Variants in PRKAG2 observed in about 807,000 individuals in gnomAD.
The protein encoded by PRKAG2 is protein kinase AMP-activated non-catalytic subunit gamma 2, also known as 5'-AMP-activated protein kinase subunit gamma-2.
PRKAG2 carries 26 observed loss-of-function variants against 69.6 expected under a neutral mutation model. That is an observed-to-expected ratio of 0.37 (90% confidence interval 0.27 to 0.52). PRKAG2 has a LOEUF of 0.52. PRKAG2 is among the 20% of genes least tolerant of loss of function. The pLI, the probability that PRKAG2 is intolerant of heterozygous loss-of-function variation, is 0.90. For synonymous variants in PRKAG2, 293 were observed against 285.0 expected, an observed-to-expected ratio of 1.03 and a Z score of -0.28; for missense variants, 557 against 740.0, an observed-to-expected ratio of 0.75 and a Z score of 2.87.
At chr7:151,680,171 G>A (rs576449736) in intron 3 of PRKAG2, among the ~76,000 whole-genome samples, 4 of 152,284 alleles carry the variant, frequency 2.6e-5, no homozygotes, top group South Asian at 2.1e-4. Context: ...AACCACAAAC[G>A]CGCATGTTCC....
chr7:151,718,327 C>G (rs755482013), intron 3 of PRKAG2, among the ~76,000 whole-genome samples: 16 of 152,066 alleles, frequency 1.1e-4, no homozygotes, highest in Non-Finnish European at 2.4e-4. Flanking sequence ...GTCCTATCAG[C>G]TTACAGCCCC....
intron 1 of PRKAG2, among the ~76,000 whole-genome samples, chr7:151,870,523 C>T (rs1002951911): frequency 3.3e-5 from 5 of 152,354 alleles, no homozygotes; most frequent in East Asian, 1.9e-4. Flanking sequence ...AAAGCTGACA[C>T]GTCCACTGTG....
In PRKAG2 at chr7:151,857,615, T is replaced by G. The variant is rs544934551; in HGVS notation, c.114+18892A>C. Among the ~76,000 whole-genome samples the G allele has an allele frequency of 2.6e-5, 4 of 152,332 alleles. No homozygotes were observed. The South Asian group carries it at 8.3e-4, about 32-fold the overall frequency. On this transcript the variant is annotated intron_variant, in intron 1 of 15. Coordinates refer to ENST00000287878, the MANE Select transcript of PRKAG2 (RefSeq NM_016203.4). ...TGTGCCACCCCCTGCCAACGGCCTC[T>G]GCTGTGCAGATTTTCCCATCTGTAG...
At position 151,870,892 on chromosome 7, in the gene PRKAG2, T is replaced by G. The variant is rs557654252; in HGVS notation, c.114+5615A>C. ...ACTGCCCAGCTCCCTGGCTCTACTT[T>G]TAGTTTGTCTCCAGCGACTGTGCAG... On this transcript the variant is annotated intron_variant, in intron 1 of 15. Coordinates refer to ENST00000287878, the MANE Select transcript of PRKAG2 (RefSeq NM_016203.4). Among the ~76,000 whole-genome samples the G allele has an allele frequency of 2.6e-5, 4 of 152,352 alleles. No homozygotes were observed. The South Asian group carries it at 8.3e-4, about 32-fold the overall frequency.
chr7:151,813,684 G>A (rs7782161), intron 1 of PRKAG2, among the ~76,000 whole-genome samples: 83,480 of 151,798 alleles, frequency 0.55, 23,634 homozygotes, highest in East Asian at 0.71. Context: ...ACCAGACAGC[G>A]GTGACAGCCC....
At chr7:151,586,495 C>T (rs1314066309) in intron 6 of PRKAG2, among the ~76,000 whole-genome samples, 1 of 152,212 alleles carries the variant, frequency 6.6e-6, no homozygotes, top group Non-Finnish European at 1.5e-5. Context: ...CCTCCAATAT[C>T]ACGAACAGGT....
chr7:151,731,522 C>CTGTGTGTGTGTGTGTG lies in PRKAG2; in HGVS notation c.466+49629_466+49630insCACACACACACACACA, dbSNP rs113764475. Among the ~76,000 whole-genome samples the CTGTGTGTGTGTGTGTG allele has an allele frequency of 3.6e-3, 392 of 107,762 alleles. 1 individual carries two copies. Among genetic ancestry groups the CTGTGTGTGTGTGTGTG allele is most frequent in the African/African-American group, 0.01 (353 of 34,584 alleles). The allele number at this position is 107,762 out of a possible 152,430, so 70.7% of individuals were successfully genotyped here. On this transcript the variant is annotated intron_variant, in intron 3 of 15. Transcript: ENST00000287878. ...TGATTTGATGGCTGTGGGGAGAGCTCTGTGTGTGTGTGTGCGCACAGGTAC... is the reference window on the plus strand; with the variant it reads ...TGATTTGATGGCTGTGGGGAGAGCTCTGTGTGTGTGTGTGTGTGTGTGTGTGTGTGCGCACAGGTAC...
intron 3 of PRKAG2, among the ~76,000 whole-genome samples, chr7:151,710,185 C>A (rs1051216472): frequency 6.6e-6 from 1 of 152,102 alleles, no homozygotes; most frequent in Non-Finnish European, 1.5e-5. Flanking sequence ...AGAGAGATGG[C>A]AGAGGCAGGT....
chr7:151,728,681 G>A (rs1175661586), intron 3 of PRKAG2, among the ~76,000 whole-genome samples: 1 of 152,170 alleles, frequency 6.6e-6, no homozygotes, highest in Non-Finnish European at 1.5e-5. Context: ...TGTTTGTCCA[G>A]TGTTCAGCTT....
intron 2 of PRKAG2, among the ~76,000 whole-genome samples, chr7:151,782,231 C>T (rs553322327): frequency 2.8e-4 from 43 of 151,504 alleles, no homozygotes; most frequent in Admixed American, 1.2e-3. Flanking sequence ...TGCAGTGAGC[C>T]GAGATGGCGC....
At chr7:151,716,926 C>T (rs1443385656) in intron 3 of PRKAG2, among the ~76,000 whole-genome samples, 1 of 152,064 alleles carries the variant, frequency 6.6e-6, no homozygotes, top group African/African-American at 2.4e-5. Context: ...GGCGACTTGC[C>T]CCACAAAAAT....
chr7:151,584,509 G>T (rs542760656), intron 6 of PRKAG2, among the ~76,000 whole-genome samples: 3 of 152,200 alleles, frequency 2.0e-5, no homozygotes, highest in East Asian at 3.9e-4. Context: ...GGAATGAAAA[G>T]AAAAATTGAA....
intron 1 of PRKAG2, among the ~76,000 whole-genome samples, chr7:151,799,480 CACCTTT>C (rs1380274327): frequency 2.0e-5 from 3 of 152,218 alleles, no homozygotes; most frequent in African/African-American, 7.2e-5. Flanking sequence ...GTTCTGCGGG[CACCTTT>C]GCATCTTGTC....
intron 3 of PRKAG2, among the ~76,000 whole-genome samples, chr7:151,764,804 A>C (rs1207495387): frequency 3.3e-5 from 5 of 152,230 alleles, no homozygotes; most frequent in Non-Finnish European, 7.3e-5. Flanking sequence ...GGTGGGGGTA[A>C]GGCCTCAAGG....
intron 3 of PRKAG2, among the ~76,000 whole-genome samples, chr7:151,691,458 T>TAAC (rs1008848932): frequency 7.4e-6 from 1 of 135,448 alleles, no homozygotes; most frequent in South Asian, 2.4e-4. Flanking sequence ...CAAAACTCAG[T>TAAC]AACAACAACA....
In PRKAG2 at chr7:151,850,441, A is replaced by G. The variant is rs908222484; in HGVS notation, c.114+26066T>C. Reference sequence around the variant, plus strand: ...AGGAGGCAGAAGGGCAACCTGTCCCATGCTCTGCCTCGAAGCACACGTCAT... The same window carrying G: ...AGGAGGCAGAAGGGCAACCTGTCCCGTGCTCTGCCTCGAAGCACACGTCAT... On this transcript the variant is annotated intron_variant, in intron 1 of 15. Coordinates refer to ENST00000287878, the MANE Select transcript of PRKAG2 (RefSeq NM_016203.4). The surrounding 1 kb of genome is among the most constrained non-coding windows in gnomAD (Gnocchi z 4.1). Among the ~76,000 whole-genome samples the G allele has an allele frequency of 1.3e-5, 2 of 152,226 alleles. No homozygotes were observed. The highest frequency in any genetic ancestry group is 4.8e-5 in the African/African-American group (2 of 41,448).
chr7:151,631,557 G>C, intron 5 of PRKAG2: 1 of 377,524 alleles, frequency 2.6e-6, no homozygotes. Flanking sequence ...TGAGAGGGTC[G>C]CCTGAACTCA....
chr7:151,590,389 G>T (rs529733613), intron 6 of PRKAG2, among the ~76,000 whole-genome samples: 1 of 152,218 alleles, frequency 6.6e-6, no homozygotes, highest in Non-Finnish European at 1.5e-5. Flanking sequence ...ATGCACAGGC[G>T]GAATTGGTGG....
At chr7:151,876,137 A>G (rs1327277109) in intron 1 of PRKAG2, among the ~76,000 whole-genome samples, 1 of 143,208 alleles carries the variant, frequency 7.0e-6, no homozygotes, top group Non-Finnish European at 1.5e-5. Flanking sequence ...ACCTCCCCGG[A>G]GCGCAGTCCA....
Sources: gnomAD v4.1 joint callset for allele counts (sites outside exome capture counted in the v4.1 genomes callset) on GRCh38, gnomAD v4.1.1 for gene constraint, Gnocchi (gnomAD v3.1) non-coding constraint, MANE v1.5 for transcripts, NCBI Gene and HGNC (gene_info 2026-07-23, HGNC 2026-07-21) for gene names.